USO1: variants seen among roughly 807,000 people sequenced by gnomAD.
USO1 encodes the protein general vesicular transport factor p115.
A neutral mutation model predicts 124.5 loss-of-function variants in USO1; 57 were observed. The ratio of observed to expected loss-of-function variants is 0.46; its 90% CI spans 0.37 to 0.57. The LOEUF is 0.57. Among genes scored for constraint, USO1 ranks in the 20% least tolerant of loss-of-function variants. The pLI is 0.00. For missense variants in USO1, 900 were observed against 1,040.6 expected (o/e 0.86, Z 1.86); for synonymous variants, 369 against 362.8 (o/e 1.02, Z -0.19).
intron 7 of USO1, 96 bp from the exon 8 acceptor site, chr4:75,774,580 A>C: frequency 6.9e-7 from 1 of 1,438,912 alleles, no homozygotes; most frequent in Non-Finnish European, 9.3e-7. Flanking sequence ...GGCTTGCAAA[A>C]TCTCTGCCAG....
chr4:75,748,229 T>TTA (rs1553897953), intron 1 of USO1, among the ~76,000 whole-genome samples: 2 of 147,796 alleles, frequency 1.4e-5, no homozygotes, highest in African/African-American at 5.0e-5. Flanking sequence ...TTTTTTTTTT[T>TTA]ACAGGCTGGA....
intron 4 of USO1, among the ~76,000 whole-genome samples, chr4:75,766,120 C>A (rs1471226412): frequency 2.6e-5 from 4 of 152,046 alleles, no homozygotes; most frequent in African/African-American, 9.7e-5. Flanking sequence ...TATTTAGAGT[C>A]AGTTACTTTT....
At chr4:75,773,837 G>A (rs926848507) in intron 7 of USO1, among the ~76,000 whole-genome samples, 3 of 152,158 alleles carry the variant, frequency 2.0e-5, no homozygotes, top group Non-Finnish European at 2.9e-5. Flanking sequence ...AGTACTGGTA[G>A]CCAACAGCTA....
At chr4:75,741,949 G>A (rs1212084003) in intron 1 of USO1, among the ~76,000 whole-genome samples, 1 of 152,044 alleles carries the variant, frequency 6.6e-6, no homozygotes, top group East Asian at 1.9e-4. Flanking sequence ...CCTACACAGG[G>A]CAGGGTCATC....
intron 21 of USO1, among the ~76,000 whole-genome samples, chr4:75,809,743 C>T (rs1723091990): frequency 6.6e-6 from 1 of 152,164 alleles, no homozygotes; most frequent in African/African-American, 2.4e-5. Context: ...TCACTATGAC[C>T]ATGAAGCTTC....
intron 10 of USO1, among the ~76,000 whole-genome samples, chr4:75,788,539 T>C (rs1399226970): frequency 6.7e-6 from 1 of 149,030 alleles, no homozygotes; most frequent in African/African-American, 2.4e-5. Flanking sequence ...TTTCTTTTCT[T>C]TTCTTTTCTT....
intron 1 of USO1, among the ~76,000 whole-genome samples, chr4:75,746,930 G>T (rs1449370729): frequency 1.3e-5 from 2 of 152,132 alleles, no homozygotes; most frequent in Non-Finnish European, 2.9e-5. Flanking sequence ...TAGGATAGAA[G>T]AATAATACAA....
In USO1 at chr4:75,813,962, T is replaced by G. The variant is rs1050934298; in HGVS notation, c.*667T>G. 1.3e-5 allele frequency: 2 copies of G among 152,202 alleles called. No homozygotes were observed. The highest frequency in any genetic ancestry group is 2.9e-5 in the Non-Finnish European group (2 of 68,038). The allele number at this position is 152,202 out of a possible 1,614,324, so 9.4% of individuals were successfully genotyped here. ...TGCAACAGTGTATTAATGTGATTGGTTTTCTTTTTGTTTTAAGCTAAACAT... is the reference window on the plus strand; with the variant it reads ...TGCAACAGTGTATTAATGTGATTGGGTTTCTTTTTGTTTTAAGCTAAACAT... On this transcript the variant is annotated 3_prime_UTR_variant, in exon 24 of 24. Coordinates refer to ENST00000514213, the MANE Select transcript of USO1 (RefSeq NM_003715.4).
Position 75,813,550 on chromosome 4 carries a change from A to C in USO1, c.*255A>C. 1 of 280,908 alleles carries C rather than the reference A, an allele frequency of 3.6e-6. No homozygotes were observed. 17.4% of individuals were successfully genotyped at this position (280,908 alleles called of 1,614,324 possible). ...TAATTTGCAAAGAGCTTCAAACACC[A>C]AAAATATACCATTTTAAGGCATGTG... On this transcript the variant is annotated 3_prime_UTR_variant, in exon 24 of 24. Coordinates refer to ENST00000514213, the MANE Select transcript of USO1 (RefSeq NM_003715.4).
In USO1 at chr4:75,774,805, T is replaced by A; in HGVS notation, c.676+9T>A. On this transcript the variant is annotated intron_variant, in intron 8 of 23. Transcript: ENST00000514213. Reference sequence around the variant, plus strand: ...GGGGAACAGTGATGGAGGTATAGTATGAAGAAATTATTTGAAGACATTCCT... The same window carrying A: ...GGGGAACAGTGATGGAGGTATAGTAAGAAGAAATTATTTGAAGACATTCCT... The A allele has an allele frequency of 6.2e-7, 1 of 1,611,384 alleles. No homozygotes were observed. Among genetic ancestry groups the A allele is most frequent in the Non-Finnish European group, 8.5e-7 (1 of 1,178,612 alleles).
rs1438440658 is a variant in USO1, at chr4:75,774,726, A to T, written c.606A>T (p.Lys202Asn). 1 of 1,613,734 alleles carries T rather than the reference A, an allele frequency of 6.2e-7. No individual in the cohort carries two copies. The highest frequency in any genetic ancestry group is 1.7e-5 in the Admixed American group (1 of 60,018). Residue 202 changes from lysine (K) to asparagine (N), a missense_variant, in exon 8 of 24, where the codon AAA becomes AAT. Lys to Asn is a moderately conservative substitution (Grantham distance 94, BLOSUM62 0). This residue lies in a region of USO1 where 538 missense variants were observed against 681.6 expected (regional missense o/e 0.79). Coordinates refer to ENST00000514213, the MANE Select transcript of USO1 (RefSeq NM_003715.4). ...CAAGAAGCAATGGTGCAATCCAGAA[A>T]ATTGTTGCTTTTGAAAATGCTTTCG... is the stretch of plus-strand genomic sequence containing the variant. The part of the protein sequence containing the change: ...ALTRSNGAIQ[K>N]IVAFENAFER...
intron 1 of USO1, chr4:75,744,742 A>G (rs1168767578): frequency 4.2e-6 from 1 of 240,678 alleles, no homozygotes; most frequent in Non-Finnish European, 8.3e-6. Context: ...GTTTTTTATT[A>G]TAAAAGTAAT....
At chr4:75,740,625 T>C (rs924392820) in intron 1 of USO1, among the ~76,000 whole-genome samples, 1 of 152,210 alleles carries the variant, frequency 6.6e-6, no homozygotes, top group African/African-American at 2.4e-5. Context: ...TCAGTTTTCA[T>C]GGTAACTTTA....
chr4:75,774,532 C>T (rs1722018691), intron 7 of USO1, 144 bp from the exon 8 acceptor site: 4 of 940,058 alleles, frequency 4.3e-6, no homozygotes, highest in South Asian at 2.0e-5. Context: ...CTTAACTATT[C>T]TGTTCTTGTT....
intron 4 of USO1, among the ~76,000 whole-genome samples, chr4:75,765,324 A>G (rs537900080): frequency 3.5e-4 from 54 of 152,186 alleles, no homozygotes; most frequent in African/African-American, 1.3e-3. Flanking sequence ...TTTTATCTAT[A>G]CAGTTTCACT....
At position 75,795,535 on chromosome 4, in the gene USO1, G is replaced by A. The variant is rs115489084; in HGVS notation, c.1452+1634G>A. On this transcript the variant is annotated intron_variant, in intron 13 of 23. Transcript: ENST00000514213. ...ATGGCTCTCCAGTTTTTCTCCATGG[G>A]ATATTGTATTGGTGTTACTAAACAC... 6.0e-3 allele frequency among the ~76,000 whole-genome samples: 911 copies of A among 152,142 alleles called. 15 individuals carry two copies. Among genetic ancestry groups the A allele is most frequent in the African/African-American group, 0.021 (859 of 41,508 alleles).
In USO1 at chr4:75,801,120, A is replaced by C; in HGVS notation, c.1906A>C (p.Lys636Gln). ...KAIYKSSEEDKKEEEVKKTLE... is the reference protein window; with the variant it reads ...KAIYKSSEEDQKEEEVKKTLE... ...TATTTATAAGTCCAGTGAAGAAGAT[A>C]AAAAAGAAGAAGAGGTGAAAAAAAC... Residue 636 changes from lysine (K) to glutamine (Q), a missense_variant, in exon 17 of 24, where the codon AAA becomes CAA. Transcript: ENST00000514213. 2 of 1,603,816 alleles carry C rather than the reference A, an allele frequency of 1.2e-6. No individual in the cohort carries two copies. Among genetic ancestry groups the C allele is most frequent in the Non-Finnish European group, 1.7e-6 (2 of 1,174,730 alleles).
intron 8 of USO1, among the ~76,000 whole-genome samples, chr4:75,775,398 G>A (rs538811670): frequency 2.6e-5 from 4 of 152,136 alleles, no homozygotes; most frequent in Non-Finnish European, 5.9e-5. Flanking sequence ...AATTAGCTGG[G>A]CGTGGTGGTA....
intron 4 of USO1, among the ~76,000 whole-genome samples, chr4:75,759,786 G>A (rs1721550885): frequency 6.6e-6 from 1 of 151,880 alleles, no homozygotes; most frequent in Admixed American, 6.6e-5. Context: ...TTGCACACCT[G>A]TAATCTCAGC....
Sources: allele counts gnomAD v4.1 joint callset (sites outside exome capture counted in the v4.1 genomes callset), GRCh38; gene constraint gnomAD v4.1.1; regional missense constraint gnomAD v4.1.1; transcripts MANE v1.5; gene names NCBI Gene and HGNC (gene_info 2026-07-23, HGNC 2026-07-21).